PLXDC2: variants seen among roughly 807,000 people sequenced by gnomAD.
PLXDC2 encodes plexin domain containing 2.
Under a neutral mutation model 68.9 loss-of-function variants are expected in PLXDC2, and 40 were observed. The ratio of observed to expected loss-of-function variants is 0.58; its 90% confidence interval spans 0.45 to 0.76. The LOEUF (loss-of-function observed/expected upper bound fraction) is 0.76, where lower values mean the gene tolerates loss of function less well. Ranked by LOEUF, PLXDC2 falls within the 30% of genes least tolerant of loss-of-function variation. PLXDC2 has a pLI of 0.00. For missense variants in PLXDC2, 644 were observed against 661.9 expected (o/e 0.97, Z 0.30); for synonymous variants, 243 against 234.2 (o/e 1.04, Z -0.34).
At chr10:20,002,870 CA>C (rs777743083) in intron 2 of PLXDC2, among the ~76,000 whole-genome samples, 1 of 152,062 alleles carries the variant, frequency 6.6e-6, no homozygotes, top group Non-Finnish European at 1.5e-5. Flanking sequence ...ATAGGGTGAC[CA>C]CTGGTTCCAG....
chr10:20,010,997 A>G (rs1350872336), intron 2 of PLXDC2, among the ~76,000 whole-genome samples: 1 of 152,222 alleles, frequency 6.6e-6, no homozygotes, highest in East Asian at 1.9e-4. Flanking sequence ...TTCTTTGCCT[A>G]TACTAATTTC....
In PLXDC2 at chr10:20,147,844, G is replaced by A; in HGVS notation, c.725G>A (p.Ser242Asn). Residue 242 changes from serine (S) to asparagine (N), a missense_variant, in exon 6 of 14, where the codon AGC becomes AAC. Ser to Asn is a conservative substitution (Grantham distance 46). This residue lies in a region of PLXDC2 where 113 missense variants were observed against 167.1 expected (regional missense o/e 0.68). Transcript: ENST00000377252. ...VHLQDNYNLG[S>N]FTFQATLLMD... ...CTCCAGGATAATTATAACCTGGGAA[G>A]CTTCACATTCCAGGCAACCCTGCTC... The A allele has an allele frequency of 1.9e-6, 3 of 1,613,682 alleles. No individual in the cohort carries two copies. Among genetic ancestry groups the A allele is most frequent in the Non-Finnish European group, 2.5e-6 (3 of 1,179,644 alleles).
intron 13 of PLXDC2, among the ~76,000 whole-genome samples, chr10:20,247,095 A>G (rs952957252): frequency 6.6e-6 from 1 of 151,990 alleles, no homozygotes; most frequent in Non-Finnish European, 1.5e-5. Context: ...GTCAAATTTC[A>G]TGCTTTGTCT....
At chr10:20,140,125 C>T (rs1691733805) in intron 4 of PLXDC2, among the ~76,000 whole-genome samples, 1 of 151,786 alleles carries the variant, frequency 6.6e-6, no homozygotes, top group Admixed American at 6.6e-5. Context: ...ACAGTAAAAC[C>T]CCCTCTCTAC....
At chr10:20,025,455 T>A (rs1417315086) in intron 2 of PLXDC2, among the ~76,000 whole-genome samples, 1 of 151,926 alleles carries the variant, frequency 6.6e-6, no homozygotes, top group Non-Finnish European at 1.5e-5. Context: ...AAAGACAGGG[T>A]TTCTCCTTGT....
chr10:20,041,389 C>G (rs544606855), intron 2 of PLXDC2, among the ~76,000 whole-genome samples: 50 of 151,884 alleles, frequency 3.3e-4, no homozygotes, highest in African/African-American at 1.1e-3. Context: ...TACCAGGTAC[C>G]AGCTTATTGA....
intron 9 of PLXDC2, among the ~76,000 whole-genome samples, chr10:20,207,915 G>A (rs1321511230): frequency 6.6e-6 from 1 of 152,042 alleles, no homozygotes; most frequent in Non-Finnish European, 1.5e-5. Flanking sequence ...CATTCCACTT[G>A]AATTAAATTA....
At chr10:20,007,096 G>T (rs1267133988) in intron 2 of PLXDC2, among the ~76,000 whole-genome samples, 1 of 152,192 alleles carries the variant, frequency 6.6e-6, no homozygotes, top group East Asian at 1.9e-4. Flanking sequence ...TTTCAGGCAG[G>T]ATTGGATTCC....
At chr10:20,228,787 G>T (rs1468158262) in intron 12 of PLXDC2, among the ~76,000 whole-genome samples, 1 of 152,018 alleles carries the variant, frequency 6.6e-6, no homozygotes, top group Non-Finnish European at 1.5e-5. Flanking sequence ...GAAAAGTTTG[G>T]TATCACAGAA....
intron 3 of PLXDC2, among the ~76,000 whole-genome samples, chr10:20,055,262 G>A (rs1402992121): frequency 6.6e-6 from 1 of 151,924 alleles, no homozygotes; most frequent in Non-Finnish European, 1.5e-5. Flanking sequence ...TTTTCTGGAG[G>A]GTTCTTTTGT....
intron 1 of PLXDC2, among the ~76,000 whole-genome samples, chr10:19,897,672 T>A (rs570308703): frequency 1.3e-5 from 2 of 152,324 alleles, no homozygotes; most frequent in South Asian, 2.1e-4. Context: ...ATGGTTTTTT[T>A]AAATGAACAC....
At chr10:19,869,232 CA>C (rs1185050089) in intron 1 of PLXDC2, among the ~76,000 whole-genome samples, 1 of 151,742 alleles carries the variant, frequency 6.6e-6, no homozygotes, top group Non-Finnish European at 1.5e-5. Context: ...CCTCGTCTCA[CA>C]AAAAGTATGA....
At chr10:19,903,829 C>A (rs1564624405) in intron 1 of PLXDC2, among the ~76,000 whole-genome samples, 1 of 151,868 alleles carries the variant, frequency 6.6e-6, no homozygotes, top group African/African-American at 2.4e-5. Flanking sequence ...ATGCTATGAA[C>A]TTTCCTTTTA....
intron 4 of PLXDC2, among the ~76,000 whole-genome samples, chr10:20,095,843 G>A (rs1833342325): frequency 6.6e-6 from 1 of 152,120 alleles, no homozygotes. Flanking sequence ...TGCTGCAATG[G>A]CCAAAGGAAT....
At chr10:19,924,737 A>G (rs1346186825) in intron 1 of PLXDC2, among the ~76,000 whole-genome samples, 1 of 152,198 alleles carries the variant, frequency 6.6e-6, no homozygotes. Flanking sequence ...CTTCGTCTCT[A>G]GTAAGTAACA....
intron 1 of PLXDC2, among the ~76,000 whole-genome samples, chr10:19,855,595 A>C (rs1837196803): frequency 6.6e-6 from 1 of 152,194 alleles, no homozygotes; most frequent in Non-Finnish European, 1.5e-5. Flanking sequence ...GAGGTTCAGC[A>C]TCCCTAACCT....
intron 1 of PLXDC2, among the ~76,000 whole-genome samples, chr10:19,997,042 G>A (rs1834856578): frequency 1.3e-5 from 2 of 152,202 alleles, no homozygotes; most frequent in African/African-American, 4.8e-5. Flanking sequence ...AATAGAATAT[G>A]AGGCAAAGTT....
At chr10:20,279,154 C>A (rs1836048135) in intron 13 of PLXDC2, among the ~76,000 whole-genome samples, 1 of 152,112 alleles carries the variant, frequency 6.6e-6, no homozygotes, top group African/African-American at 2.4e-5. Context: ...GATGGGTATG[C>A]TTAACTAAAT....
rs977697253 is a variant in PLXDC2, at chr10:20,128,140, C to T, written c.542-15155C>T. ...AGGTATTAGGTGGATTCAAGACAGA[C>T]GCTTTGCAAACACAGGGCAGTCTAC... On this transcript the variant is annotated intron_variant, in intron 4 of 13. Transcript: ENST00000377252. Among the ~76,000 whole-genome samples the T allele has an allele frequency of 4.6e-5, 7 of 152,258 alleles. No individual in the cohort carries two copies. In the South Asian group the frequency reaches 8.3e-4, roughly 18 times the overall value.
Sources: allele counts gnomAD v4.1 joint callset (sites outside exome capture counted in the v4.1 genomes callset), GRCh38; gene constraint gnomAD v4.1.1; regional missense constraint gnomAD v4.1.1; transcripts MANE v1.5; gene names NCBI Gene and HGNC (gene_info 2026-07-23, HGNC 2026-07-21).